The following THSD4 variants were observed in gnomAD, a reference collection of about 807,000 sequenced individuals.
THSD4 encodes thrombospondin type 1 domain containing 4, also known as thrombospondin type-1 domain-containing protein 4.
THSD4 carries 69 observed loss-of-function variants against 119.0 expected under a neutral mutation model. That is an observed-to-expected ratio of 0.58 (90% CI 0.48 to 0.71). The LOEUF (loss-of-function observed/expected upper bound fraction) is 0.71, where lower values mean the gene tolerates loss of function less well. THSD4 is among the 30% of genes least tolerant of loss of function. The probability of loss-of-function intolerance (pLI) is 0.00; values close to 1 mark genes in which losing one functional copy is unlikely to be tolerated. For synonymous variants in THSD4, 524 were observed against 540.4 expected (o/e 0.97, Z 0.42); for missense variants, 1,393 against 1,391.1 (o/e 1.00, Z -0.02).
At chr15:71,197,233 T>C (rs1052830595) in intron 3 of THSD4, among the ~76,000 whole-genome samples, 2 of 152,178 alleles carry the variant, frequency 1.3e-5, no homozygotes, top group East Asian at 3.9e-4. Context: ...CTCAGCACAG[T>C]ACCTAGAGTG....
intron 4 of THSD4, among the ~76,000 whole-genome samples, chr15:71,241,266 T>C (rs1259475092): frequency 6.6e-6 from 1 of 152,220 alleles, no homozygotes; most frequent in Non-Finnish European, 1.5e-5. Flanking sequence ...AGCTCAGTCA[T>C]CTTAAAAGTA....
chr15:71,716,584 G>GT (rs1167597649), intron 8 of THSD4, among the ~76,000 whole-genome samples: 39 of 20,480 alleles, frequency 1.9e-3, no homozygotes, highest in South Asian at 0.011. Context: ...GTGTGTGTTG[G>GT]TTTTTGTTTT....
intron 15 of THSD4, among the ~76,000 whole-genome samples, chr15:71,759,240 T>C (rs1363623588): frequency 2.6e-5 from 4 of 152,230 alleles, no homozygotes; most frequent in African/African-American, 9.6e-5. Context: ...TTCCCTTTAA[T>C]GTTTTTTAAA....
chr15:71,716,780 C>A (rs1198947802), intron 8 of THSD4, among the ~76,000 whole-genome samples: 1 of 152,136 alleles, frequency 6.6e-6, no homozygotes, highest in Non-Finnish European at 1.5e-5. Context: ...CTTCTTGGGG[C>A]ATCCCCCCTT....
At chr15:71,234,585 A>G (rs570681543) in intron 4 of THSD4, among the ~76,000 whole-genome samples, 4 of 152,158 alleles carry the variant, frequency 2.6e-5, no homozygotes, top group African/African-American at 9.6e-5. Context: ...GCGAGCCACC[A>G]CATCCAGCCT....
chr15:71,735,356 T>C (rs1353468464), intron 10 of THSD4, among the ~76,000 whole-genome samples: 1 of 152,124 alleles, frequency 6.6e-6, no homozygotes, highest in Non-Finnish European at 1.5e-5. Context: ...CACTGGACAT[T>C]GTCTGGTACA....
At chr15:71,751,845 T>C (rs919139182) in intron 14 of THSD4, among the ~76,000 whole-genome samples, 1 of 152,118 alleles carries the variant, frequency 6.6e-6, no homozygotes, top group Non-Finnish European at 1.5e-5. Flanking sequence ...TGTTTTACTG[T>C]TTAAAACAGA....
chr15:71,591,766 G>T (rs2049812403), intron 7 of THSD4, among the ~76,000 whole-genome samples: 1 of 150,466 alleles, frequency 6.6e-6, no homozygotes, highest in Non-Finnish European at 1.5e-5. Context: ...AATAAATCCA[G>T]ATATGTTCCA....
chr15:71,410,277 A>G (rs1019732932), intron 6 of THSD4, among the ~76,000 whole-genome samples: 10 of 152,188 alleles, frequency 6.6e-5, no homozygotes, highest in African/African-American at 2.4e-4. Context: ...TAAGACAGAG[A>G]CATCCTGTAT....
chr15:71,642,100 T>G (rs929253145), intron 7 of THSD4, among the ~76,000 whole-genome samples: 1 of 152,164 alleles, frequency 6.6e-6, no homozygotes, highest in African/African-American at 2.4e-5. Flanking sequence ...CATTCAGGGA[T>G]GAACTGGCTT....
intron 7 of THSD4, among the ~76,000 whole-genome samples, chr15:71,657,004 C>T (rs1384504174): frequency 1.3e-5 from 2 of 152,174 alleles, no homozygotes; most frequent in Non-Finnish European, 1.5e-5. Context: ...CCCCAGTCCC[C>T]TCATTCAGGC....
chr15:71,738,268 C>G (rs559955545), intron 11 of THSD4: 1 of 431,006 alleles, frequency 2.3e-6, no homozygotes, highest in Non-Finnish European at 4.1e-6. Flanking sequence ...AGGGTTCACG[C>G]TCCTATGAGA....
intron 6 of THSD4, among the ~76,000 whole-genome samples, chr15:71,326,351 GTGA>G (rs1216658345): frequency 2.0e-5 from 3 of 151,956 alleles, no homozygotes; most frequent in African/African-American, 7.3e-5. Flanking sequence ...AATGGTGGTG[GTGA>G]TGATGATAGT....
intron 7 of THSD4, among the ~76,000 whole-genome samples, chr15:71,619,600 T>C (rs527292238): frequency 6.6e-6 from 1 of 152,208 alleles, no homozygotes. Context: ...TTACCCCCAG[T>C]TGGTGATAAT....
At chr15:71,526,016 C>A (rs773482190) in intron 7 of THSD4, among the ~76,000 whole-genome samples, 1 of 152,144 alleles carries the variant, frequency 6.6e-6, no homozygotes, top group Non-Finnish European at 1.5e-5. Context: ...CGACCCTATT[C>A]GGTTACATCT....
At position 71,340,806 on chromosome 15, in the gene THSD4, A is replaced by AC. The variant is rs980349589; in HGVS notation, c.1016-70879dup. On this transcript the variant is annotated intron_variant, in intron 6 of 17. Transcript: ENST00000261862. ...GTAGAGACAGAGTTTCGTCATGTTG[A>AC]CCAGGGTAGTCTTGAACTCTTGAGC... Among the ~76,000 whole-genome samples, 28 of 152,016 alleles carry AC rather than the reference A, an allele frequency of 1.8e-4. 1 individual carries two copies. The highest frequency in any genetic ancestry group is 5.5e-4 in the African/African-American group (23 of 41,488).
chr15:71,672,052 T>C (rs897168069), intron 8 of THSD4, among the ~76,000 whole-genome samples: 1 of 152,224 alleles, frequency 6.6e-6, no homozygotes, highest in East Asian at 1.9e-4. Context: ...GGGGATGGCA[T>C]TGAATCTATA....
intron 7 of THSD4, among the ~76,000 whole-genome samples, chr15:71,553,546 CG>C (rs2048966242): frequency 6.6e-6 from 1 of 152,038 alleles, no homozygotes; most frequent in African/African-American, 2.4e-5. Flanking sequence ...AGGCTGGTCT[CG>C]AGCTCCTGAC....
At position 71,544,355 on chromosome 15, in the gene THSD4, T is replaced by C. The variant is rs117241818; in HGVS notation, c.1153-116175T>C. Among the ~76,000 whole-genome samples the C allele has an allele frequency of 7.5e-3, 1,146 of 152,320 alleles. 12 individuals are homozygous for C. Among genetic ancestry groups the C allele is most frequent in the Non-Finnish European group, 0.012 (850 of 68,032 alleles). ...GTTTTTAAAATAATTTTAGTAATAC[T>C]GGGCTCATAGTGCTCAACGAATGTT... On this transcript the variant is annotated intron_variant, in intron 7 of 17. Coordinates refer to ENST00000261862, the MANE Select transcript of THSD4 (RefSeq NM_024817.3).
Sources: gnomAD v4.1 joint callset for allele counts (sites outside exome capture counted in the v4.1 genomes callset) on GRCh38, gnomAD v4.1.1 for gene constraint, MANE v1.5 for transcripts, NCBI Gene and HGNC (gene_info 2026-07-23, HGNC 2026-07-21) for gene names.